The following FLT1 variants were observed in gnomAD, a reference collection of about 807,000 sequenced individuals.
FLT1 encodes the protein fms related receptor tyrosine kinase 1.
Under a neutral mutation model 156.3 loss-of-function variants are expected in FLT1, and 49 were observed. The observed-to-expected ratio is 0.31, with a 90% CI of 0.25 to 0.40. The LOEUF is 0.40. FLT1 is among the 10% of genes least tolerant of loss of function. The pLI, the probability that FLT1 is intolerant of heterozygous loss-of-function variation, is 1.00. For missense variants in FLT1, 1,322 were observed against 1,637.2 expected, an observed-to-expected ratio of 0.81 and a Z score of 3.32; for synonymous variants, 594 against 583.8, an observed-to-expected ratio of 1.02 and a Z score of -0.25.
intron 19 of FLT1, 88 bp downstream of exon 19, chr13:28,329,527 G>T (rs1222495716): frequency 4.3e-6 from 4 of 940,828 alleles, no homozygotes; most frequent in Non-Finnish European, 6.8e-6. Context: ...AGGAAGCACA[G>T]TGCGGGGGAG....
At chr13:28,304,724 T>A (rs975880698) in intron 29 of FLT1, among the ~76,000 whole-genome samples, 2 of 152,134 alleles carry the variant, frequency 1.3e-5, no homozygotes, top group African/African-American at 4.8e-5. Context: ...AGGAAACTAC[T>A]GGTCTACTTT....
At chr13:28,360,957 T>C (rs1312534132) in intron 14 of FLT1, among the ~76,000 whole-genome samples, 1 of 152,116 alleles carries the variant, frequency 6.6e-6, no homozygotes, top group Non-Finnish European at 1.5e-5. Flanking sequence ...CCCATGCATA[T>C]ATATAATTAT....
chr13:28,435,871 C>T (rs1877995160), intron 4 of FLT1, among the ~76,000 whole-genome samples: 2 of 151,602 alleles, frequency 1.3e-5, no homozygotes, highest in Non-Finnish European at 2.9e-5. Flanking sequence ...GGAATGCAGT[C>T]GGTGGGAAAA....
rs549623118 is a variant in FLT1 at position 28,480,469 on chromosome 13, G to C, written c.65-12852C>G. ...CATTATATTTGTGTGTTATCATGGG[G>C]AAGTGCCAGGTGTGGAGGTACCTCA... On this transcript the variant is annotated intron_variant, in intron 1 of 29. Transcript: ENST00000282397. Among the ~76,000 whole-genome samples the C allele has an allele frequency of 7.6e-4, 115 of 152,280 alleles. No individual in the cohort carries two copies. In the South Asian group the frequency reaches 0.022, roughly 29 times the overall value.
chr13:28,319,615 C>T (rs1871357972), intron 23 of FLT1, 81 bp from the exon 24 acceptor site: 2 of 785,048 alleles, frequency 2.5e-6, no homozygotes, highest in Admixed American at 1.9e-5. Context: ...GGGTCACCTC[C>T]CAGATAACAT....
chr13:28,314,074 T>C (rs1871110418), intron 25 of FLT1, among the ~76,000 whole-genome samples: 1 of 152,130 alleles, frequency 6.6e-6, no homozygotes, highest in Non-Finnish European at 1.5e-5. Context: ...GATGCATGCC[T>C]GTAGTCCCTG....
At chr13:28,433,432 C>G (rs1358059823) in intron 6 of FLT1, among the ~76,000 whole-genome samples, 1 of 152,214 alleles carries the variant, frequency 6.6e-6, no homozygotes, top group African/African-American at 2.4e-5. Flanking sequence ...CTGACAGAGA[C>G]AGCCTCCTGG....
At chr13:28,434,604 C>T (rs975282884) in intron 4 of FLT1, among the ~76,000 whole-genome samples, 2 of 152,140 alleles carry the variant, frequency 1.3e-5, no homozygotes, top group Admixed American at 1.3e-4. Flanking sequence ...ATTAAGAGGC[C>T]GGGCGTGGTG....
At chr13:28,359,853 G>A (rs1277427091) in intron 14 of FLT1, among the ~76,000 whole-genome samples, 1 of 152,204 alleles carries the variant, frequency 6.6e-6, no homozygotes, top group East Asian at 1.9e-4. Context: ...GCTCATGCCT[G>A]TAATCCCAGC....
In FLT1 at chr13:28,302,403, A is replaced by T. The variant is rs1272873492; in HGVS notation, c.*764T>A. ...GTGCTACAAATCAAAACATGCCACG[A>T]ATGAGAATGGACATAGAACCACTTC... On this transcript the variant is annotated 3_prime_UTR_variant, in exon 30 of 30. Coordinates refer to ENST00000282397, the MANE Select transcript of FLT1 (RefSeq NM_002019.4). 4.3e-6 allele frequency: 1 copy of T among 233,248 alleles called. No homozygotes were observed. The highest frequency in any genetic ancestry group is 2.2e-5 in the African/African-American group (1 of 45,364). 14.4% of individuals were successfully genotyped at this position (233,248 alleles called of 1,614,324 possible).
chr13:28,360,397 T>C (rs1046458296), intron 14 of FLT1, among the ~76,000 whole-genome samples: 1 of 152,238 alleles, frequency 6.6e-6, no homozygotes, highest in African/African-American at 2.4e-5. Flanking sequence ...CCATGTTTAT[T>C]GCAGCATTAT....
intron 3 of FLT1, among the ~76,000 whole-genome samples, chr13:28,454,532 C>T (rs539905084): frequency 1.7e-4 from 26 of 152,266 alleles, no homozygotes; most frequent in African/African-American, 5.8e-4. Context: ...GCTACTTAAC[C>T]TTTCTGAGAA....
chr13:28,476,040 T>C (rs2137644575), intron 1 of FLT1, among the ~76,000 whole-genome samples: 1 of 152,320 alleles, frequency 6.6e-6, no homozygotes, highest in Admixed American at 6.5e-5. Context: ...ATTTTTAAAA[T>C]GTCAGGTTTG....
chr13:28,419,224 C>G (rs1429401808), intron 10 of FLT1, among the ~76,000 whole-genome samples: 1 of 152,186 alleles, frequency 6.6e-6, no homozygotes, highest in Non-Finnish European at 1.5e-5. Context: ...ATCAATCCAA[C>G]AGGTTCTGCT....
chr13:28,308,432 A>G (rs116597560), intron 28 of FLT1: 10,222 of 292,106 alleles, frequency 0.035, 250 homozygotes, highest in South Asian at 0.052. Flanking sequence ...GGAAAGGAGC[A>G]TAAGGCTTAG....
intron 13 of FLT1, chr13:28,386,112 C>T (rs958942447): frequency 5.8e-5 from 61 of 1,052,928 alleles, no homozygotes; most frequent in South Asian, 5.0e-4. Context: ...TGCCCATTTT[C>T]GATTTCCTCA....
chr13:28,317,645 T>G (rs1871260451), intron 24 of FLT1, 48 bp from the exon 25 acceptor site: 1 of 1,186,230 alleles, frequency 8.4e-7, no homozygotes, highest in African/African-American at 1.5e-5. Context: ...GGCTTAAGGG[T>G]ACAAAAGACC....
chr13:28,358,834 G>T (rs1221891709), intron 14 of FLT1, among the ~76,000 whole-genome samples: 1 of 152,168 alleles, frequency 6.6e-6, no homozygotes, highest in African/African-American at 2.4e-5. Flanking sequence ...TAAGTGGAAG[G>T]TCTGGCACAG....
intron 10 of FLT1, among the ~76,000 whole-genome samples, chr13:28,408,261 G>A (rs2065097184): frequency 6.6e-6 from 1 of 152,186 alleles, no homozygotes; most frequent in South Asian, 2.1e-4. Flanking sequence ...TGCTATCTGA[G>A]TTCACTTGGG....
Sources: allele counts gnomAD v4.1 joint callset (sites outside exome capture counted in the v4.1 genomes callset), GRCh38; gene constraint gnomAD v4.1.1; transcripts MANE v1.5; gene names NCBI Gene and HGNC (gene_info 2026-07-23, HGNC 2026-07-21).